The following SDK1 variants were observed in gnomAD, a reference collection of about 807,000 sequenced individuals.
SDK1 encodes the protein sidekick cell adhesion molecule 1, also known as protein sidekick-1.
In SDK1, 157 loss-of-function variants were observed where a neutral mutation model predicts 245.5. The ratio of observed to expected loss-of-function variants is 0.64; its 90% CI spans 0.56 to 0.73. The LOEUF (loss-of-function observed/expected upper bound fraction) is 0.73. SDK1 is among the 30% of genes least tolerant of loss of function. The probability of loss-of-function intolerance (pLI) is 0.00; values close to 1 mark genes in which losing one functional copy is unlikely to be tolerated. For synonymous variants in SDK1, 1,647 were observed against 1,278.5 expected, an observed-to-expected ratio of 1.29 and a Z score of -6.15; for missense variants, 3,583 against 3,002.3, an observed-to-expected ratio of 1.19 and a Z score of -4.52.
At chr7:3,746,174 A>G (rs537192878) in intron 4 of SDK1, among the ~76,000 whole-genome samples, 17 of 152,392 alleles carry the variant, frequency 1.1e-4, no homozygotes, top group African/African-American at 3.6e-4. Flanking sequence ...CAGTGCATAT[A>G]AAAGTTATGT....
At chr7:3,963,768 G>T (rs2128130305) in intron 9 of SDK1, among the ~76,000 whole-genome samples, 1 of 151,714 alleles carries the variant, frequency 6.6e-6, no homozygotes, top group African/African-American at 2.4e-5. Flanking sequence ...GTAACCAGTG[G>T]GTACACCCAG....
At chr7:3,796,436 C>T (rs57860885) in intron 4 of SDK1, among the ~76,000 whole-genome samples, 20 of 152,172 alleles carry the variant, frequency 1.3e-4, no homozygotes, top group African/African-American at 3.4e-4. Flanking sequence ...CTTTGCTGGA[C>T]GCAGAGCTCC....
rs1554321364 is a variant in SDK1, at chr7:4,050,896, A to ATATTATATATAGTATATATAATG, written c.2719-730_2719-708dup. On this transcript the variant is annotated intron_variant, in intron 18 of 44. Transcript: ENST00000404826. ...ATATATTATATATACCATATAGTAT[A>ATATTATATATAGTATATATAATG]TATTATATATAGTATATATAATGTA... is the stretch of plus-strand genomic sequence containing the variant. Among the ~76,000 whole-genome samples, 712 of 143,886 alleles carry ATATTATATATAGTATATATAATG rather than the reference A, an allele frequency of 4.9e-3. 6 individuals carry two copies. The highest frequency in any genetic ancestry group is 7.6e-3 in the Non-Finnish European group (507 of 66,516). 94.4% of individuals were successfully genotyped at this position (143,886 alleles called of 152,430 possible).
intron 28 of SDK1, among the ~76,000 whole-genome samples, chr7:4,145,244 A>C (rs1434598581): frequency 6.6e-6 from 1 of 152,146 alleles, no homozygotes; most frequent in Non-Finnish European, 1.5e-5. Context: ...GCAGGCAGAC[A>C]GGGAAGACAA....
chr7:3,887,946 C>A (rs1303958993), intron 5 of SDK1, among the ~76,000 whole-genome samples: 1 of 152,162 alleles, frequency 6.6e-6, no homozygotes, highest in Admixed American at 6.5e-5. Flanking sequence ...TCTTGTATTT[C>A]TTTTGTCTGT....
At chr7:4,042,032 T>G (rs1056196928) in intron 17 of SDK1, among the ~76,000 whole-genome samples, 6 of 136,180 alleles carry the variant, frequency 4.4e-5, no homozygotes, top group African/African-American at 6.7e-5. Flanking sequence ...CCGGATGGTC[T>G]CTATCTCTTG....
At chr7:3,603,589 C>T (rs891797525) in intron 1 of SDK1, among the ~76,000 whole-genome samples, 16 of 152,038 alleles carry the variant, frequency 1.1e-4, no homozygotes, top group South Asian at 6.2e-4. Flanking sequence ...TGGGCTGAGA[C>T]GATGGGGTTT....
At chr7:3,917,662 A>C (rs540644470) in intron 5 of SDK1, among the ~76,000 whole-genome samples, 1 of 152,196 alleles carries the variant, frequency 6.6e-6, no homozygotes, top group South Asian at 2.1e-4. Flanking sequence ...AGGAACGTCT[A>C]TGGGACCAGC....
chr7:3,385,300 G>A (rs1250309394), intron 1 of SDK1, among the ~76,000 whole-genome samples: 1 of 152,088 alleles, frequency 6.6e-6, no homozygotes, highest in Non-Finnish European at 1.5e-5. Context: ...CGCTGTGAAT[G>A]TATTATCCTG....
At chr7:3,735,279 C>G (rs969604172) in intron 4 of SDK1, among the ~76,000 whole-genome samples, 3 of 151,860 alleles carry the variant, frequency 2.0e-5, no homozygotes, top group African/African-American at 4.8e-5. Context: ...ACTTTTTTAC[C>G]TTGCGAAACT....
intron 5 of SDK1, among the ~76,000 whole-genome samples, chr7:3,889,309 T>C (rs2128101254): frequency 6.6e-6 from 1 of 152,364 alleles, no homozygotes; most frequent in East Asian, 1.9e-4. Flanking sequence ...GAGGAGGCCA[T>C]TCTCCCTGTC....
At chr7:3,325,098 T>A (rs1364453253) in intron 1 of SDK1, among the ~76,000 whole-genome samples, 2 of 152,130 alleles carry the variant, frequency 1.3e-5, no homozygotes, top group African/African-American at 4.8e-5. Context: ...GATCTTAAAG[T>A]TCTCTACCAA....
chr7:4,085,075 T>C (rs549913505), intron 22 of SDK1, among the ~76,000 whole-genome samples: 4 of 152,282 alleles, frequency 2.6e-5, no homozygotes, highest in African/African-American at 9.6e-5. Flanking sequence ...TAAATGTATA[T>C]TTTAAATATA....
chr7:4,244,926 G>T (rs1255557598), intron 43 of SDK1, among the ~76,000 whole-genome samples: 2 of 152,200 alleles, frequency 1.3e-5, no homozygotes, highest in South Asian at 2.1e-4. Flanking sequence ...ACAACATACT[G>T]TTGGCTTCTG....
chr7:3,502,207 T>C (rs1033698041), intron 1 of SDK1, among the ~76,000 whole-genome samples: 1 of 151,806 alleles, frequency 6.6e-6, no homozygotes, highest in African/African-American at 2.4e-5. Flanking sequence ...TTCTTTTTTT[T>C]CAAAATGTTT....
intron 1 of SDK1, among the ~76,000 whole-genome samples, chr7:3,334,847 A>G (rs1583698463): frequency 6.6e-6 from 1 of 152,162 alleles, no homozygotes; most frequent in South Asian, 2.1e-4. Flanking sequence ...GGCTTCTCAC[A>G]TCTAATATGT....
At chr7:3,649,066 T>G (rs1335237035) in intron 4 of SDK1, among the ~76,000 whole-genome samples, 1 of 152,124 alleles carries the variant, frequency 6.6e-6, no homozygotes, top group African/African-American at 2.4e-5. Flanking sequence ...ACTGTTCTGC[T>G]TGCCAGGGAC....
chr7:3,838,377 T>C (rs557879909), intron 5 of SDK1, among the ~76,000 whole-genome samples: 1 of 152,302 alleles, frequency 6.6e-6, no homozygotes, highest in East Asian at 1.9e-4. Flanking sequence ...GACACATCAG[T>C]GGGAATTGGA....
chr7:4,016,754 C>A (rs550497688), intron 16 of SDK1, among the ~76,000 whole-genome samples: 50 of 152,108 alleles, frequency 3.3e-4, no homozygotes, highest in Non-Finnish European at 5.4e-4. Flanking sequence ...CCCTGGACAC[C>A]ACAAGGCCGT....
Sources: gnomAD v4.1 joint callset for allele counts (sites outside exome capture counted in the v4.1 genomes callset) on GRCh38, gnomAD v4.1.1 for gene constraint, MANE v1.5 for transcripts, NCBI Gene and HGNC (gene_info 2026-07-23, HGNC 2026-07-21) for gene names.